Variants in UBE2H observed in about 807,000 individuals in gnomAD.
The protein encoded by UBE2H is ubiquitin-conjugating enzyme E2 H.
UBE2H carries 3 observed loss-of-function variants against 29.0 expected under a neutral mutation model. The observed-to-expected ratio is 0.10, with a 90% confidence interval of 0.05 to 0.27. UBE2H has a LOEUF of 0.27. UBE2H is among the 10% of genes least tolerant of loss of function. The pLI is 1.00. For synonymous variants in UBE2H, 69 were observed against 82.9 expected, an observed-to-expected ratio of 0.83 and a Z score of 0.91; for missense variants, 68 against 228.2, an observed-to-expected ratio of 0.30 and a Z score of 4.52.
At chr7:129,945,948 G>A (rs962373892) in intron 1 of UBE2H, among the ~76,000 whole-genome samples, 5 of 151,638 alleles carry the variant, frequency 3.3e-5, no homozygotes, top group East Asian at 1.9e-4. Flanking sequence ...GTTTCTTCAC[G>A]TTAGTCAAGC....
At chr7:129,846,905 G>A (rs932222062) in intron 5 of UBE2H, among the ~76,000 whole-genome samples, 2 of 152,106 alleles carry the variant, frequency 1.3e-5, no homozygotes, top group Admixed American at 6.6e-5. Flanking sequence ...AAAACTTATC[G>A]GGAAAGACAT....
intron 3 of UBE2H, among the ~76,000 whole-genome samples, chr7:129,863,861 T>C (rs183164142): frequency 6.8e-6 from 1 of 147,702 alleles, no homozygotes; most frequent in Non-Finnish European, 1.5e-5. Flanking sequence ...AGGAGTGTGG[T>C]GGTGCAGCAC....
At position 129,880,884 on chromosome 7, in the gene UBE2H, C is replaced by G; in HGVS notation, c.130+11G>C. ...TGTAATAGAAGAACACATACCAACA[C>G]ATGTACTTACTTCCTTGTGGTCCAT... On this transcript the variant is annotated intron_variant, in intron 2 of 6. Coordinates refer to ENST00000355621, the MANE Select transcript of UBE2H (RefSeq NM_003344.4). The G allele has an allele frequency of 1.9e-6, 3 of 1,608,042 alleles. No homozygotes were observed. The highest frequency in any genetic ancestry group is 2.6e-6 in the Non-Finnish European group (3 of 1,175,142).
chr7:129,928,957 T>C (rs1349403466), intron 1 of UBE2H, among the ~76,000 whole-genome samples: 1 of 152,222 alleles, frequency 6.6e-6, no homozygotes, highest in African/African-American at 2.4e-5. Context: ...ATAACTGCTT[T>C]ATGAATAGAA....
chr7:129,909,829 C>T (rs1463629519), intron 1 of UBE2H, among the ~76,000 whole-genome samples: 1 of 152,120 alleles, frequency 6.6e-6, no homozygotes, highest in Non-Finnish European at 1.5e-5. Flanking sequence ...AGATAAGACA[C>T]AGAATCTATC....
At chr7:129,926,881 C>T (rs554726223) in intron 1 of UBE2H, among the ~76,000 whole-genome samples, 4 of 152,302 alleles carry the variant, frequency 2.6e-5, no homozygotes, top group South Asian at 2.1e-4. Context: ...ACAAACGCCA[C>T]GCTCTAGTAC....
chr7:129,895,279 G>A (rs936023727), intron 1 of UBE2H, among the ~76,000 whole-genome samples: 4 of 152,148 alleles, frequency 2.6e-5, no homozygotes, highest in Non-Finnish European at 5.9e-5. Context: ...GGGAAGCACA[G>A]GCGGAAGACC....
chr7:129,869,173 G>C (rs1805978455), intron 3 of UBE2H, among the ~76,000 whole-genome samples: 1 of 151,828 alleles, frequency 6.6e-6, no homozygotes, highest in Non-Finnish European at 1.5e-5. Flanking sequence ...CCTAACCTCA[G>C]GTGATCCGCC....
intron 1 of UBE2H, among the ~76,000 whole-genome samples, chr7:129,905,324 T>C (rs1023725204): frequency 2.0e-5 from 3 of 152,032 alleles, no homozygotes; most frequent in African/African-American, 7.2e-5. Flanking sequence ...CATCAGATTG[T>C]GTCAGACCAT....
intron 5 of UBE2H, among the ~76,000 whole-genome samples, chr7:129,840,798 AT>A (rs1805414835): frequency 6.6e-6 from 1 of 152,178 alleles, no homozygotes; most frequent in Non-Finnish European, 1.5e-5. Context: ...AAAACTACTC[AT>A]TAATTTAGTC....
At chr7:129,914,381 G>T (rs1214045182) in intron 1 of UBE2H, among the ~76,000 whole-genome samples, 1 of 151,844 alleles carries the variant, frequency 6.6e-6, no homozygotes, top group Non-Finnish European at 1.5e-5. Context: ...TGGCCAGGGT[G>T]GTCTCAAACT....
chr7:129,878,682 C>CAAAGAA (rs1806195107), intron 3 of UBE2H, among the ~76,000 whole-genome samples: 1 of 75,070 alleles, frequency 1.3e-5, no homozygotes, highest in Non-Finnish European at 2.3e-5. Flanking sequence ...GACTCCGTCT[C>CAAAGAA]AAAAAAAAAA....
intron 1 of UBE2H, among the ~76,000 whole-genome samples, chr7:129,942,848 T>G (rs1436650555): frequency 2.0e-5 from 3 of 152,130 alleles, no homozygotes; most frequent in East Asian, 1.9e-4. Flanking sequence ...TGTGTTTTTT[T>G]TTTTGTTTTT....
intron 5 of UBE2H, among the ~76,000 whole-genome samples, chr7:129,849,042 G>A (rs982174981): frequency 6.6e-6 from 1 of 151,932 alleles, no homozygotes; most frequent in African/African-American, 2.4e-5. Context: ...ATTTTATCCT[G>A]CTTGCAGTCT....
intron 3 of UBE2H, among the ~76,000 whole-genome samples, chr7:129,872,844 T>TGAAAAAA (rs1806067337): frequency 1.5e-4 from 1 of 6,880 alleles, no homozygotes; most frequent in Non-Finnish European, 3.1e-4. Context: ...ACACTCCGTC[T>TGAAAAAA]CAAAAAAAAA....
rs144579023 is a variant in UBE2H, at chr7:129,881,403, T to C, written c.54-432A>G. ...GGCTCACGCCTGTAATCCCAACAGT[T>C]TGAGAGGCCTAGGCGGGTGGATCAC... On this transcript the variant is annotated intron_variant, in intron 1 of 6. Coordinates refer to ENST00000355621, the MANE Select transcript of UBE2H (RefSeq NM_003344.4). Among the ~76,000 whole-genome samples, 677 of 152,284 alleles carry C rather than the reference T, an allele frequency of 4.4e-3. 5 individuals carry two copies. Among genetic ancestry groups the C allele is most frequent in the African/African-American group, 0.015 (606 of 41,564 alleles).
chr7:129,883,849 T>C (rs1806303849), intron 1 of UBE2H, among the ~76,000 whole-genome samples: 1 of 151,656 alleles, frequency 6.6e-6, no homozygotes, highest in Admixed American at 6.6e-5. Context: ...CTCAAAAAAA[T>C]ATAACTTAAA....
chr7:129,889,673 C>A (rs779162577), intron 1 of UBE2H, among the ~76,000 whole-genome samples: 1 of 152,096 alleles, frequency 6.6e-6, no homozygotes, highest in African/African-American at 2.4e-5. Flanking sequence ...GAGTACCCAG[C>A]AAACAGTAGA....
At chr7:129,865,015 C>T (rs752477119) in intron 3 of UBE2H, 26 of 420,610 alleles carry the variant, frequency 6.2e-5, no homozygotes, top group South Asian at 3.9e-4. Flanking sequence ...AAATGCTTAC[C>T]CTTCTCTGTC....
Sources: allele counts gnomAD v4.1 joint callset (sites outside exome capture counted in the v4.1 genomes callset), GRCh38; gene constraint gnomAD v4.1.1; transcripts MANE v1.5; gene names NCBI Gene and HGNC (gene_info 2026-07-23, HGNC 2026-07-21).